HMCN1: variants seen among roughly 807,000 people sequenced by gnomAD.
HMCN1 encodes hemicentin 1.
A neutral mutation model predicts 625.9 loss-of-function variants in HMCN1; 321 were observed. The observed-to-expected ratio is 0.51, with a 90% CI of 0.47 to 0.56. The LOEUF (loss-of-function observed/expected upper bound fraction) is 0.56, where lower values mean the gene tolerates loss of function less well. Ranked by LOEUF, HMCN1 falls within the 20% of genes least tolerant of loss-of-function variation. HMCN1 has a pLI of 0.00. For missense variants in HMCN1, 6,588 were observed against 6,887.3 expected (o/e 0.96, Z 1.54); for synonymous variants, 2,425 against 2,417.6 (o/e 1.00, Z -0.09).
At chr1:186,134,871 C>A (rs561988247) in intron 86 of HMCN1, among the ~76,000 whole-genome samples, 1 of 152,212 alleles carries the variant, frequency 6.6e-6, no homozygotes, top group Non-Finnish European at 1.5e-5. Flanking sequence ...TATGCTGCCC[C>A]GTTTGCTTTC....
chr1:185,835,204 G>C (rs914078076), intron 1 of HMCN1, among the ~76,000 whole-genome samples: 1 of 152,328 alleles, frequency 6.6e-6, no homozygotes, highest in East Asian at 1.9e-4. Context: ...GTGCTTCAGA[G>C]TGAAGAGGAG....
chr1:185,918,441 A>C (rs1486616869), intron 6 of HMCN1, among the ~76,000 whole-genome samples: 1 of 152,186 alleles, frequency 6.6e-6, no homozygotes, highest in African/African-American at 2.4e-5. Flanking sequence ...CCAGCTAGAT[A>C]GTGCCCACCC....
chr1:185,828,117 A>G (rs764337049), intron 1 of HMCN1, among the ~76,000 whole-genome samples: 3 of 152,212 alleles, frequency 2.0e-5, no homozygotes, highest in African/African-American at 4.8e-5. Flanking sequence ...TAAAAAGTAT[A>G]CAACAAAAAT....
chr1:186,062,457 T>TA, intron 47 of HMCN1, 57 bp from the exon 48 acceptor site: 1 of 1,022,670 alleles, frequency 9.8e-7, no homozygotes, highest in Non-Finnish European at 1.5e-6. Context: ...TAAATATCTA[T>TA]AAAATAGCAG....
At chr1:186,137,070 C>A in intron 87 of HMCN1, 133 bp downstream of exon 87, 1 of 1,105,210 alleles carries the variant, frequency 9.0e-7, no homozygotes, top group Middle Eastern at 2.2e-4. Flanking sequence ...AGGACAAAAT[C>A]ATCAAAATTT....
chr1:185,829,858 C>T (rs1660747409), intron 1 of HMCN1, among the ~76,000 whole-genome samples: 1 of 152,102 alleles, frequency 6.6e-6, no homozygotes. Context: ...TGAACACTCC[C>T]ACCAACAGTG....
Position 185,987,499 on chromosome 1 carries a change from A to G in HMCN1, c.3003A>G (p.Pro1001=). The change falls in exon 20 of 107, where the codon CCA becomes CCG. Residue 1001 remains proline, a synonymous_variant. Transcript: ENST00000271588. ...TTGAAGGCATTCCAGTAACTTTACC[A>G]TGCAAAGCAAGTGGAAATCCCAAAC... ...STIEGIPVTL[P]CKASGNPKPS... is the part of the protein sequence containing the mutation. 1 of 1,613,924 alleles carries G rather than the reference A, an allele frequency of 6.2e-7. No individual in the cohort carries two copies. The highest frequency in any genetic ancestry group is 8.5e-7 in the Non-Finnish European group (1 of 1,179,760).
At chr1:185,910,558 T>C (rs1374840064) in intron 5 of HMCN1, among the ~76,000 whole-genome samples, 2 of 151,260 alleles carry the variant, frequency 1.3e-5, no homozygotes, top group East Asian at 1.9e-4. Flanking sequence ...TTATAACTTA[T>C]TTCTTTCTTC....
At chr1:186,086,996 G>A (rs190918853) in intron 58 of HMCN1, among the ~76,000 whole-genome samples, 1 of 152,202 alleles carries the variant, frequency 6.6e-6, no homozygotes, top group Non-Finnish European at 1.5e-5. Flanking sequence ...TTTGATGCTG[G>A]AGAGAAAAAT....
intron 2 of HMCN1, among the ~76,000 whole-genome samples, chr1:185,848,985 T>C (rs1209048309): frequency 6.6e-6 from 1 of 152,184 alleles, no homozygotes; most frequent in African/African-American, 2.4e-5. Context: ...GCTTCTCTAC[T>C]CTGCAGACAA....
At chr1:186,039,095 A>G in intron 38 of HMCN1, 90 bp downstream of exon 38, 1 of 896,960 alleles carries the variant, frequency 1.1e-6, no homozygotes, top group Non-Finnish European at 1.9e-6. Context: ...TAAGTATTTA[A>G]CAGAATGTGT....
intron 68 of HMCN1, among the ~76,000 whole-genome samples, chr1:186,101,306 G>A (rs1660373170): frequency 1.3e-5 from 2 of 152,098 alleles, no homozygotes; most frequent in Admixed American, 6.6e-5. Flanking sequence ...GATGAAGAAG[G>A]TATCAAGCAT....
chr1:185,973,067 C>A (rs1167080298), intron 15 of HMCN1, among the ~76,000 whole-genome samples: 1 of 152,144 alleles, frequency 6.6e-6, no homozygotes, highest in Admixed American at 6.6e-5. Flanking sequence ...ATGGTGGACT[C>A]TGACAGAGAA....
In HMCN1 at chr1:186,081,195, A is replaced by G. The variant is rs750599480; in HGVS notation, c.8600-12A>G. ...TGCCCATTTTTCTCCCTTTGTTGCA[A>G]TCCTTTGTTAGTGCCGCCAATTATC... is the stretch of plus-strand genomic sequence containing the variant. On this transcript the variant is annotated splice_polypyrimidine_tract_variant and intron_variant, in intron 55 of 106. Transcript: ENST00000271588. 6.2e-7 allele frequency: 1 copy of G among 1,610,676 alleles called. No individual in the cohort carries two copies. Among genetic ancestry groups the G allele is most frequent in the Non-Finnish European group, 8.5e-7 (1 of 1,177,104 alleles).
intron 82 of HMCN1, among the ~76,000 whole-genome samples, chr1:186,126,236 AT>A (rs1282423966): frequency 2.9e-5 from 4 of 136,368 alleles, no homozygotes; most frequent in Admixed American, 1.5e-4. Flanking sequence ...GCAGTCATTA[AT>A]ATTCAACATA....
At position 186,035,154 on chromosome 1, in the gene HMCN1, G is replaced by A. The variant is rs567384857; in HGVS notation, c.5750-2780G>A. 1.9e-4 allele frequency among the ~76,000 whole-genome samples: 29 copies of A among 152,150 alleles called. No homozygotes were observed. In the South Asian group the frequency reaches 5.8e-3, roughly 30 times the overall value. On this transcript the variant is annotated intron_variant, in intron 36 of 106. Transcript: ENST00000271588. ...AGATAGCTATATTTATAAGTCTTGT[G>A]TCCTTAAATATTGTGTTGATAATCA...
chr1:186,161,194 T>C (rs1371799546), intron 97 of HMCN1, among the ~76,000 whole-genome samples: 40 of 150,100 alleles, frequency 2.7e-4, no homozygotes, highest in Non-Finnish European at 1.0e-4. Context: ...TTGTCTCTTT[T>C]GATCTTTGTT....
chr1:185,852,037 T>G (rs1267151231), intron 2 of HMCN1, among the ~76,000 whole-genome samples: 3 of 151,828 alleles, frequency 2.0e-5, no homozygotes, highest in Non-Finnish European at 4.4e-5. Flanking sequence ...CATGATAGAG[T>G]TATGAAGATG....
intron 64 of HMCN1, among the ~76,000 whole-genome samples, chr1:186,092,278 C>A (rs1659886854): frequency 6.6e-6 from 1 of 151,754 alleles, no homozygotes; most frequent in South Asian, 2.1e-4. Context: ...TTTGTTTGAT[C>A]ATGGCAACTT....
Sources: allele counts gnomAD v4.1 joint callset (sites outside exome capture counted in the v4.1 genomes callset), GRCh38; gene constraint gnomAD v4.1.1; transcripts MANE v1.5; gene names NCBI Gene and HGNC (gene_info 2026-07-23, HGNC 2026-07-21).